RABGEF1: variants seen among roughly 807,000 people sequenced by gnomAD.
RABGEF1 encodes RAB guanine nucleotide exchange factor 1.
A neutral mutation model predicts 57.3 loss-of-function variants in RABGEF1; 26 were observed. The observed-to-expected ratio is 0.45, with a 90% CI of 0.33 to 0.63. The LOEUF (loss-of-function observed/expected upper bound fraction) is 0.63, where lower values mean the gene tolerates loss of function less well. RABGEF1 is among the 20% of genes least tolerant of loss of function. The probability of loss-of-function intolerance (pLI) is 0.02; values close to 1 mark genes in which losing one functional copy is unlikely to be tolerated. For synonymous variants in RABGEF1, 185 were observed against 210.7 expected (o/e 0.88, Z 1.06); for missense variants, 464 against 607.6 (o/e 0.76, Z 2.48).
intron 1 of RABGEF1, among the ~76,000 whole-genome samples, chr7:66,700,487 C>CGGAGGGGGAGGAGGGTTGTTGGGG (rs35510019): frequency 7.3e-6 from 1 of 137,200 alleles, no homozygotes. Flanking sequence ...AAGCGGGCCC[C>CGGAGGGGGAGGAGGGTTGTTGGGG]GGAGGGGGAG....
At chr7:66,695,051 C>T (rs1792111778) in intron 1 of RABGEF1, among the ~76,000 whole-genome samples, 1 of 152,120 alleles carries the variant, frequency 6.6e-6, no homozygotes, top group Admixed American at 6.6e-5. Context: ...GCAGCTCATG[C>T]CTGTAATCCC....
intron 2 of RABGEF1, among the ~76,000 whole-genome samples, chr7:66,774,389 A>C (rs1807998067): frequency 1.3e-5 from 2 of 152,226 alleles, no homozygotes; most frequent in African/African-American, 4.8e-5. Flanking sequence ...TTGGATTTAC[A>C]GTCTTTCTTG....
At chr7:66,786,916 C>T (rs1252608056) in intron 4 of RABGEF1, among the ~76,000 whole-genome samples, 1 of 152,132 alleles carries the variant, frequency 6.6e-6, no homozygotes, top group Non-Finnish European at 1.5e-5. Context: ...AATATAGTTG[C>T]CATCAGCTAC....
chr7:66,800,686 A>G (rs1028143175), intron 7 of RABGEF1, among the ~76,000 whole-genome samples: 1 of 152,228 alleles, frequency 6.6e-6, no homozygotes, highest in Non-Finnish European at 1.5e-5. Context: ...TCTTACTAGA[A>G]AGTTCAAGAT....
intron 1 of RABGEF1, among the ~76,000 whole-genome samples, chr7:66,703,670 G>A (rs1793620289): frequency 6.6e-6 from 1 of 152,050 alleles, no homozygotes; most frequent in Admixed American, 6.6e-5. Flanking sequence ...TGTCCTTATG[G>A]CAGTATCATG....
chr7:66,775,777 G>A (rs950569474), intron 3 of RABGEF1, among the ~76,000 whole-genome samples: 1 of 152,048 alleles, frequency 6.6e-6, no homozygotes, highest in African/African-American at 2.4e-5. Flanking sequence ...TGATTTCTAG[G>A]CTTGATAGTC....
Position 66,751,134 on chromosome 7 carries a change from A to G in RABGEF1, c.-18+10342A>G, listed in dbSNP as rs113592753. Among the ~76,000 whole-genome samples, 90 of 150,054 alleles carry G rather than the reference A, an allele frequency of 6.0e-4. 1 individual carries two copies. The highest frequency in any genetic ancestry group is 2.1e-3 in the African/African-American group (85 of 41,192). ...CAACCTCCACCTCCCAGGTTCAAGC[A>G]ATTCTCCTGCCTCAGCCTCCTGAGT... On this transcript the variant is annotated intron_variant, in intron 1 of 8. Transcript: ENST00000284957.
intron 2 of RABGEF1, among the ~76,000 whole-genome samples, chr7:66,774,602 T>G (rs1808048753): frequency 6.6e-6 from 1 of 152,182 alleles, no homozygotes. Flanking sequence ...AGAATCCTAT[T>G]CAGCCTTATT....
intron 1 of RABGEF1, among the ~76,000 whole-genome samples, chr7:66,688,468 C>T (rs1191991690): frequency 6.6e-6 from 1 of 152,158 alleles, no homozygotes; most frequent in Non-Finnish European, 1.5e-5. Context: ...ACATTCTTTT[C>T]AAGAGCATGT....
intron 1 of RABGEF1, among the ~76,000 whole-genome samples, chr7:66,753,415 G>A (rs887027490): frequency 6.6e-6 from 1 of 152,092 alleles, no homozygotes; most frequent in African/African-American, 2.4e-5. Flanking sequence ...CTTATTGGAT[G>A]GTATATTTTT....
intron 1 of RABGEF1, among the ~76,000 whole-genome samples, chr7:66,745,259 T>C: frequency 6.6e-6 from 1 of 152,244 alleles, no homozygotes; most frequent in East Asian, 1.9e-4. Flanking sequence ...AAATTCTGTT[T>C]ACTTATGTGA....
At position 66,785,938 on chromosome 7, in the gene RABGEF1, G is replaced by T. The variant is rs973942870; in HGVS notation, c.513+2097G>T. Among the ~76,000 whole-genome samples the T allele has an allele frequency of 2.6e-5, 4 of 151,838 alleles. No homozygotes were observed. In the East Asian group the frequency reaches 7.7e-4, roughly 29 times the overall value. ...AACTGCGCAAAACCTTTAAATTAAT[G>T]TTATTACCACCAACTAAACTTTCTA... On this transcript the variant is annotated intron_variant, in intron 4 of 8. Transcript: ENST00000284957.
At chr7:66,802,678 G>A (rs1000964378) in intron 7 of RABGEF1, among the ~76,000 whole-genome samples, 5 of 152,194 alleles carry the variant, frequency 3.3e-5, no homozygotes, top group African/African-American at 1.2e-4. Context: ...ATTCCTTCAG[G>A]CCAGAGGATG....
intron 4 of RABGEF1, among the ~76,000 whole-genome samples, chr7:66,785,193 T>G (rs1810872172): frequency 6.6e-6 from 1 of 152,216 alleles, no homozygotes; most frequent in Admixed American, 6.5e-5. Flanking sequence ...AATTAACTGG[T>G]ACAAATATCA....
At chr7:66,734,131 A>G (rs780912399) in intron 2 of RABGEF1, among the ~76,000 whole-genome samples, 4 of 152,158 alleles carry the variant, frequency 2.6e-5, no homozygotes, top group Non-Finnish European at 5.9e-5. Flanking sequence ...TCTCCACTCC[A>G]TACTTTTGAG....
chr7:66,684,858 A>G (rs1160703049), intron 1 of RABGEF1, among the ~76,000 whole-genome samples: 2 of 152,042 alleles, frequency 1.3e-5, no homozygotes, highest in African/African-American at 4.8e-5. Context: ...GATGGTCTCG[A>G]TCTCCTGACC....
At chr7:66,734,362 T>G (rs1225935155) in intron 2 of RABGEF1, among the ~76,000 whole-genome samples, 3 of 152,174 alleles carry the variant, frequency 2.0e-5, no homozygotes, top group Non-Finnish European at 4.4e-5. Flanking sequence ...CCTAGCTGTG[T>G]ATTCTGGGTA....
At chr7:66,671,496 T>C in the RABGEF1 span, among the ~76,000 whole-genome samples, 1 of 152,182 alleles carries the variant, frequency 6.6e-6, no homozygotes, top group African/African-American at 2.4e-5. Flanking sequence ...GCATGGTGTG[T>C]AGCAGTGGTT....
intron 2 of RABGEF1, among the ~76,000 whole-genome samples, chr7:66,723,663 C>T (rs976780270): frequency 1.4e-4 from 21 of 152,072 alleles, no homozygotes; most frequent in African/African-American, 4.8e-4. Flanking sequence ...TCACCACAAC[C>T]TCTGCCTCCT....
Sources: gnomAD v4.1 joint callset for allele counts (sites outside exome capture counted in the v4.1 genomes callset) on GRCh38, gnomAD v4.1.1 for gene constraint, MANE v1.5 for transcripts, NCBI Gene and HGNC (gene_info 2026-07-23, HGNC 2026-07-21) for gene names.